The following DPYD variants were observed in gnomAD, a reference collection of about 807,000 sequenced individuals.
DPYD encodes dihydropyrimidine dehydrogenase, also known as dihydropyrimidine dehydrogenase [NADP(+)].
A neutral mutation model predicts 116.2 loss-of-function variants in DPYD; 109 were observed. The ratio of observed to expected loss-of-function variants is 0.94; its 90% confidence interval spans 0.80 to 1.10. The LOEUF is 1.10. Ranked by LOEUF, DPYD falls within the 50% of genes least tolerant of loss-of-function variation. DPYD has a pLI of 0.00. For missense variants in DPYD, 1,302 were observed against 1,254.5 expected (o/e 1.04, Z -0.57); for synonymous variants, 440 against 432.0 (o/e 1.02, Z -0.23).
At chr1:97,893,195 A>G (rs960694834) in intron 1 of DPYD, among the ~76,000 whole-genome samples, 3 of 151,430 alleles carry the variant, frequency 2.0e-5, no homozygotes, top group African/African-American at 7.3e-5. Context: ...GAATATAGAA[A>G]AAGGATGAAG....
intron 3 of DPYD, among the ~76,000 whole-genome samples, chr1:97,812,323 C>A (rs1334296670): frequency 6.6e-6 from 1 of 152,046 alleles, no homozygotes; most frequent in Non-Finnish European, 1.5e-5. Flanking sequence ...ATTTAATGAT[C>A]AAGAACAGAA....
chr1:97,257,477 C>T (rs1319932383), intron 18 of DPYD, among the ~76,000 whole-genome samples: 1 of 116,426 alleles, frequency 8.6e-6, no homozygotes, highest in Non-Finnish European at 1.6e-5. Flanking sequence ...AGAGAGAGAG[C>T]ACGTGAGTTA....
chr1:97,649,527 TAAC>T (rs1658464193), intron 8 of DPYD, among the ~76,000 whole-genome samples: 2 of 152,088 alleles, frequency 1.3e-5, no homozygotes, highest in Admixed American at 1.3e-4. Flanking sequence ...TGGTTGGAAA[TAAC>T]AATTAGTTTG....
chr1:97,529,704 TTTTC>T (rs1285271999), intron 12 of DPYD, among the ~76,000 whole-genome samples: 1 of 151,704 alleles, frequency 6.6e-6, no homozygotes, highest in Non-Finnish European at 1.5e-5. Context: ...TTCCTTTCTT[TTTTC>T]TTTCTTCCTT....
intron 13 of DPYD, among the ~76,000 whole-genome samples, chr1:97,488,009 C>A (rs917097586): frequency 1.3e-5 from 2 of 152,002 alleles, no homozygotes; most frequent in African/African-American, 2.4e-5. Context: ...TAACAAAAAT[C>A]TGAAAATAAC....
At chr1:97,447,035 C>G (rs1676124844) in intron 14 of DPYD, among the ~76,000 whole-genome samples, 1 of 152,064 alleles carries the variant, frequency 6.6e-6, no homozygotes, top group South Asian at 2.1e-4. Context: ...TGAGCCCTCA[C>G]AATATATTTC....
chr1:97,291,659 T>G (rs12735738), intron 18 of DPYD, among the ~76,000 whole-genome samples: 2,884 of 145,364 alleles, frequency 0.02, 99 homozygotes, highest in African/African-American at 0.068. Flanking sequence ...GACACAGGAA[T>G]GGGAACATCA....
chr1:97,239,847 G>A (rs188399711), intron 18 of DPYD, among the ~76,000 whole-genome samples: 27 of 152,012 alleles, frequency 1.8e-4, no homozygotes, highest in Non-Finnish European at 3.5e-4. Flanking sequence ...TTGTAATAAC[G>A]TCTTCATAGA....
intron 20 of DPYD, among the ~76,000 whole-genome samples, chr1:97,118,977 A>C (rs1348655529): frequency 6.6e-6 from 1 of 152,192 alleles, no homozygotes; most frequent in African/African-American, 2.4e-5. Context: ...AATAATATTT[A>C]GTGACAACGG....
chr1:97,084,517 G>A (rs1366664462), intron 21 of DPYD, among the ~76,000 whole-genome samples: 2 of 150,922 alleles, frequency 1.3e-5, no homozygotes, highest in Admixed American at 1.3e-4. Context: ...TTTTTTGATG[G>A]CCAATATCTA....
chr1:97,691,610 T>C, intron 7 of DPYD, 107 bp downstream of exon 7: 1 of 990,362 alleles, frequency 1.0e-6, no homozygotes. Flanking sequence ...CTGATGTAGC[T>C]TTTAATTGTT....
chr1:97,676,027 G>A (rs1303807353), intron 8 of DPYD, among the ~76,000 whole-genome samples: 5 of 152,092 alleles, frequency 3.3e-5, no homozygotes, highest in Non-Finnish European at 5.9e-5. Context: ...GATTACAGGT[G>A]TGAGCCACCA....
At chr1:97,843,006 T>G (rs1481522359) in intron 2 of DPYD, among the ~76,000 whole-genome samples, 2 of 152,130 alleles carry the variant, frequency 1.3e-5, no homozygotes, top group East Asian at 1.9e-4. Flanking sequence ...ACAGCTAGTC[T>G]TCTTTCTCTT....
rs1270337932 is a variant in DPYD at position 97,166,644 on chromosome 1, T to C, written c.2622+26425A>G. Among the ~76,000 whole-genome samples the C allele has an allele frequency of 3.9e-5, 6 of 152,202 alleles. No homozygotes were observed. The East Asian group carries it at 1.2e-3, about 29-fold the overall frequency. On this transcript the variant is annotated intron_variant, in intron 20 of 22. Transcript: ENST00000370192. Reference sequence around the variant, plus strand: ...ACAAATGGGAAAAATTAACTTTTCTTTTAAGATTTCCTTAAGACAACTAAT... The same window carrying C: ...ACAAATGGGAAAAATTAACTTTTCTCTTAAGATTTCCTTAAGACAACTAAT...
intron 3 of DPYD, among the ~76,000 whole-genome samples, chr1:97,746,090 A>G (rs2101083864): frequency 6.6e-6 from 1 of 152,222 alleles, no homozygotes; most frequent in Admixed American, 6.5e-5. Flanking sequence ...ACAGTATCAC[A>G]TAGTTTTGAA....
At chr1:97,159,209 A>G (rs1370820873) in intron 20 of DPYD, among the ~76,000 whole-genome samples, 1 of 152,126 alleles carries the variant, frequency 6.6e-6, no homozygotes, top group Admixed American at 6.6e-5. Context: ...ATGATGAGAT[A>G]ATAAATATGG....
intron 13 of DPYD, among the ~76,000 whole-genome samples, chr1:97,462,047 G>A (rs1456503417): frequency 6.6e-6 from 1 of 152,064 alleles, no homozygotes; most frequent in East Asian, 1.9e-4. Context: ...ATACCTGAAA[G>A]GTGATCCATA....
intron 3 of DPYD, among the ~76,000 whole-genome samples, chr1:97,745,858 A>C (rs751164318): frequency 4.6e-5 from 7 of 152,072 alleles, no homozygotes; most frequent in Admixed American, 3.9e-4. Context: ...AGAATTTTAA[A>C]AGGTGGTGTT....
intron 14 of DPYD, among the ~76,000 whole-genome samples, chr1:97,446,751 C>T (rs1676107422): frequency 6.6e-6 from 1 of 151,966 alleles, no homozygotes; most frequent in East Asian, 1.9e-4. Flanking sequence ...AAAATTTTCC[C>T]CGGCCCAAAA....
Sources: allele counts gnomAD v4.1 joint callset (sites outside exome capture counted in the v4.1 genomes callset), GRCh38; gene constraint gnomAD v4.1.1; transcripts MANE v1.5; gene names NCBI Gene and HGNC (gene_info 2026-07-23, HGNC 2026-07-21).